Variants in PAX3 observed in about 807,000 individuals in gnomAD.
PAX3 encodes the protein paired box 3, also known as paired box protein Pax-3.
Under a neutral mutation model 51.6 loss-of-function variants are expected in PAX3, and 14 were observed. The ratio of observed to expected loss-of-function variants is 0.27; its 90% CI spans 0.18 to 0.42. The LOEUF is 0.42. Among genes scored for constraint, PAX3 ranks in the 10% least tolerant of loss-of-function variants. The pLI is 1.00. For synonymous variants in PAX3, 280 were observed against 253.4 expected (o/e 1.11, Z -1.00); for missense variants, 540 against 642.8 (o/e 0.84, Z 1.73).
chr2:222,256,348 G>A (rs866617236), intron 4 of PAX3, among the ~76,000 whole-genome samples: 7 of 151,902 alleles, frequency 4.6e-5, no homozygotes, highest in South Asian at 2.1e-4. Flanking sequence ...TCTGGACGAC[G>A]CCTTGATAGG....
chr2:222,204,478 A>T (rs1300134887), intron 7 of PAX3, among the ~76,000 whole-genome samples: 7 of 152,182 alleles, frequency 4.6e-5, no homozygotes, highest in Admixed American at 3.9e-4. Context: ...ATTTCAGCCC[A>T]AATTAGACAT....
intron 4 of PAX3, among the ~76,000 whole-genome samples, chr2:222,284,466 A>T (rs1694755475): frequency 6.6e-6 from 1 of 152,244 alleles, no homozygotes. Flanking sequence ...ATTAAGAAGC[A>T]TGTTTTGACA....
At chr2:222,226,125 T>C (rs1452597258) in intron 5 of PAX3, among the ~76,000 whole-genome samples, 2 of 152,114 alleles carry the variant, frequency 1.3e-5, no homozygotes, top group African/African-American at 4.8e-5. Context: ...TCAAATGCAA[T>C]TTGAAAAATG....
chr2:222,295,693 G>A (rs1360772483), intron 2 of PAX3, 36 bp from the exon 3 acceptor site: 3 of 1,613,270 alleles, frequency 1.9e-6, no homozygotes, highest in African/African-American at 1.3e-5. Context: ...TTGGTACCCG[G>A]TACCCTGGGC....
rs200757083 is a variant in PAX3, at chr2:222,260,549, CA to C, written c.587-28267del. On this transcript the variant is annotated intron_variant, in intron 4 of 8. Transcript: ENST00000392070. ...AATGAAAAAACTATTTCAAGCAACACAAGTTTTTTTTTTTTGTTTTTTTTTT... is the reference window on the plus strand; with the variant it reads ...AATGAAAAAACTATTTCAAGCAACACAGTTTTTTTTTTTTGTTTTTTTTTT... 4.7e-3 allele frequency among the ~76,000 whole-genome samples: 574 copies of C among 122,588 alleles called. 14 individuals carry two copies. Among genetic ancestry groups the C allele is most frequent in the African/African-American group, 0.016 (527 of 32,310 alleles). The allele number at this position is 122,588 out of a possible 152,430, so 80.4% of individuals were successfully genotyped here.
intron 7 of PAX3, among the ~76,000 whole-genome samples, chr2:222,208,788 C>A (rs1174513145): frequency 6.6e-6 from 1 of 152,110 alleles, no homozygotes; most frequent in Non-Finnish European, 1.5e-5. Flanking sequence ...TATTACTTGA[C>A]CCTTTGAGAC....
intron 4 of PAX3, among the ~76,000 whole-genome samples, chr2:222,236,956 G>A (rs2106103579): frequency 6.6e-6 from 1 of 152,250 alleles, no homozygotes; most frequent in East Asian, 1.9e-4. Context: ...ATTGCAAAAA[G>A]ATGTAGATTT....
intron 4 of PAX3, among the ~76,000 whole-genome samples, chr2:222,257,843 C>T (rs1693704434): frequency 6.6e-6 from 1 of 152,304 alleles, no homozygotes; most frequent in Non-Finnish European, 1.5e-5. Flanking sequence ...CCAGGGTCAC[C>T]CCCACGCTGC....
chr2:222,238,919 G>C (rs546679318), intron 4 of PAX3, among the ~76,000 whole-genome samples: 5 of 152,126 alleles, frequency 3.3e-5, no homozygotes, highest in Admixed American at 6.5e-5. Context: ...GGTCTCCTGC[G>C]CTTGTGAGTT....
At chr2:222,234,462 T>C (rs1428910290) in intron 4 of PAX3, among the ~76,000 whole-genome samples, 1 of 152,202 alleles carries the variant, frequency 6.6e-6, no homozygotes, top group East Asian at 1.9e-4. Flanking sequence ...TATATACATG[T>C]ATGATTGATA....
At chr2:222,241,547 A>T (rs1693016787) in intron 4 of PAX3, among the ~76,000 whole-genome samples, 1 of 152,246 alleles carries the variant, frequency 6.6e-6, no homozygotes, top group Non-Finnish European at 1.5e-5. Flanking sequence ...TCTGTGCTTA[A>T]CATTTTGTTA....
intron 4 of PAX3, among the ~76,000 whole-genome samples, chr2:222,233,912 G>C (rs1692703066): frequency 6.6e-6 from 1 of 152,142 alleles, no homozygotes; most frequent in Admixed American, 6.5e-5. Context: ...ATAGGACCTG[G>C]GGAAATGAAG....
At chr2:222,210,790 C>T (rs530543968) in intron 7 of PAX3, among the ~76,000 whole-genome samples, 6 of 152,252 alleles carry the variant, frequency 3.9e-5, no homozygotes, top group South Asian at 2.1e-4. Context: ...AACATACCGC[C>T]TTTCCTTTGA....
intron 4 of PAX3, among the ~76,000 whole-genome samples, chr2:222,235,195 A>T (rs1053151905): frequency 1.3e-5 from 2 of 152,212 alleles, no homozygotes; most frequent in African/African-American, 2.4e-5. Flanking sequence ...GCGAGAATTA[A>T]TCCTGAGGGT....
At chr2:222,240,919 A>G (rs1240506139) in intron 4 of PAX3, among the ~76,000 whole-genome samples, 1 of 152,212 alleles carries the variant, frequency 6.6e-6, no homozygotes, top group African/African-American at 2.4e-5. Context: ...TCAAAGAGAA[A>G]AAGAGAGGAA....
chr2:222,226,375 C>T (rs1559267898), intron 5 of PAX3, among the ~76,000 whole-genome samples: 1 of 152,050 alleles, frequency 6.6e-6, no homozygotes, highest in Non-Finnish European at 1.5e-5. Context: ...CAACTTTGGC[C>T]ACCATTTGGA....
rs749733628 is a variant in PAX3, at chr2:222,202,192, T to TA, written c.1174-3dup. The TA allele has an allele frequency of 1.1e-5, 18 of 1,581,262 alleles. No homozygotes were observed. Among genetic ancestry groups the TA allele is most frequent in the Admixed American group, 5.4e-5 (3 of 55,652 alleles). On this transcript the variant is annotated splice_region_variant and splice_polypyrimidine_tract_variant and intron_variant, in intron 7 of 8. Transcript: ENST00000392070. ...GTGGTTGGTCAGGAGTCCCATTACC[T>TA]AAAAAAACAGCCAGATTGGGAAGAG...
At chr2:222,274,998 C>A (rs1694369109) in intron 4 of PAX3, among the ~76,000 whole-genome samples, 1 of 152,148 alleles carries the variant, frequency 6.6e-6, no homozygotes, top group Admixed American at 6.5e-5. Flanking sequence ...AATTACTCAA[C>A]AAAAATCCTA....
chr2:222,273,318 C>G (rs1367408), intron 4 of PAX3, among the ~76,000 whole-genome samples: 2 of 151,990 alleles, frequency 1.3e-5, no homozygotes, highest in Admixed American at 1.3e-4. Flanking sequence ...ACATGATTTT[C>G]GGGCTTGTGT....
Sources: allele counts gnomAD v4.1 joint callset (sites outside exome capture counted in the v4.1 genomes callset), GRCh38; gene constraint gnomAD v4.1.1; transcripts MANE v1.5; gene names NCBI Gene and HGNC (gene_info 2026-07-23, HGNC 2026-07-21).